The following CPA6 variants were observed in gnomAD, a reference collection of about 807,000 sequenced individuals.
The protein encoded by CPA6 is carboxypeptidase B.
In CPA6, 58 loss-of-function variants were observed where a neutral mutation model predicts 63.3. The observed-to-expected ratio is 0.92, with a 90% CI of 0.74 to 1.14. CPA6 has a LOEUF of 1.14. CPA6 is among the 50% of genes most tolerant of loss of function. The pLI, the probability that CPA6 is intolerant of heterozygous loss-of-function variation, is 0.00. For missense variants in CPA6, 565 were observed against 526.6 expected, an observed-to-expected ratio of 1.07 and a Z score of -0.71; for synonymous variants, 185 against 179.0, an observed-to-expected ratio of 1.03 and a Z score of -0.27.
intron 8 of CPA6, among the ~76,000 whole-genome samples, chr8:67,461,344 T>C (rs13251401): frequency 2.0e-5 from 3 of 146,942 alleles, no homozygotes; most frequent in East Asian, 2.0e-4. Flanking sequence ...CCTGAGTGGA[T>C]ACAGCACACG....
chr8:67,631,910 G>A (rs1563369377), intron 1 of CPA6, among the ~76,000 whole-genome samples: 1 of 152,038 alleles, frequency 6.6e-6, no homozygotes, highest in East Asian at 1.9e-4. Flanking sequence ...GCGAGACCAC[G>A]AACCCACCAG....
chr8:67,430,337 G>A (rs1361525909), intron 9 of CPA6, among the ~76,000 whole-genome samples: 5 of 151,696 alleles, frequency 3.3e-5, no homozygotes, highest in African/African-American at 4.8e-5. Context: ...CCGCGACCAC[G>A]CCTGGCTAAT....
At chr8:67,509,725 T>G (rs1472290297) in intron 4 of CPA6, 107 bp from the exon 5 acceptor site, 2 of 543,472 alleles carry the variant, frequency 3.7e-6, no homozygotes, top group Non-Finnish European at 6.6e-6. Flanking sequence ...ATTCAAGGAG[T>G]GCACATGGAA....
intron 8 of CPA6, among the ~76,000 whole-genome samples, chr8:67,470,918 A>T (rs900786635): frequency 1.3e-5 from 2 of 152,200 alleles, no homozygotes; most frequent in African/African-American, 4.8e-5. Context: ...TCTGCCCTTG[A>T]TGATCCATTT....
At chr8:67,532,339 A>T (rs1178153964) in intron 2 of CPA6, among the ~76,000 whole-genome samples, 2 of 151,398 alleles carry the variant, frequency 1.3e-5, no homozygotes, top group East Asian at 3.9e-4. Context: ...TTCATCAAAT[A>T]AAAAAAATAG....
At chr8:67,550,076 T>C (rs1379206161) in intron 2 of CPA6, among the ~76,000 whole-genome samples, 1 of 152,184 alleles carries the variant, frequency 6.6e-6, no homozygotes, top group Non-Finnish European at 1.5e-5. Flanking sequence ...TGGAGCTACA[T>C]GTGCAGATTT....
intron 1 of CPA6, among the ~76,000 whole-genome samples, chr8:67,730,143 A>G (rs528702948): frequency 1.3e-5 from 2 of 152,314 alleles, no homozygotes; most frequent in South Asian, 4.1e-4. Context: ...GTCCCACACA[A>G]CTACCTCCTA....
intron 2 of CPA6, among the ~76,000 whole-genome samples, chr8:67,533,625 C>G (rs1432475184): frequency 6.6e-6 from 1 of 152,184 alleles, no homozygotes; most frequent in Non-Finnish European, 1.5e-5. Flanking sequence ...ATTGCACAAG[C>G]ATTAGTGAGC....
At chr8:67,591,649 T>C (rs962007210) in intron 2 of CPA6, among the ~76,000 whole-genome samples, 5 of 152,348 alleles carry the variant, frequency 3.3e-5, no homozygotes, top group Non-Finnish European at 7.4e-5. Context: ...TTTGAAGCAA[T>C]TGTGAATGGG....
At chr8:67,538,001 G>A (rs1317106309) in intron 2 of CPA6, among the ~76,000 whole-genome samples, 1 of 152,188 alleles carries the variant, frequency 6.6e-6, no homozygotes, top group African/African-American at 2.4e-5. Flanking sequence ...AGTTTTGAGT[G>A]AGTTTCTTAA....
intron 2 of CPA6, among the ~76,000 whole-genome samples, chr8:67,558,584 A>G (rs1164915280): frequency 6.6e-6 from 1 of 152,254 alleles, no homozygotes; most frequent in Non-Finnish European, 1.5e-5. Context: ...AAGCCTACTC[A>G]GAACAAGTGG....
intron 1 of CPA6, among the ~76,000 whole-genome samples, chr8:67,725,956 G>T (rs1204118459): frequency 7.2e-5 from 11 of 152,050 alleles, no homozygotes; most frequent in Admixed American, 7.2e-4. Context: ...TTTTTTTCTG[G>T]ATGACAATGG....
intron 1 of CPA6, among the ~76,000 whole-genome samples, chr8:67,660,358 C>A (rs1161158024): frequency 9.6e-6 from 1 of 104,630 alleles, no homozygotes; most frequent in Non-Finnish European, 1.7e-5. Context: ...GAGACAGAGT[C>A]TCACTCTGTC....
At chr8:67,696,560 G>A (rs1023024935) in intron 1 of CPA6, among the ~76,000 whole-genome samples, 5 of 151,688 alleles carry the variant, frequency 3.3e-5, no homozygotes, top group African/African-American at 9.7e-5. Flanking sequence ...CCACAGAAGT[G>A]TGCATAATAT....
intron 1 of CPA6, among the ~76,000 whole-genome samples, chr8:67,662,304 G>T (rs1200072038): frequency 6.6e-6 from 1 of 152,088 alleles, no homozygotes; most frequent in Non-Finnish European, 1.5e-5. Context: ...TCCCAATTCT[G>T]TCTCCATCTT....
intron 6 of CPA6, among the ~76,000 whole-genome samples, chr8:67,499,823 T>C (rs575096170): frequency 6.6e-6 from 1 of 152,374 alleles, no homozygotes; most frequent in East Asian, 1.9e-4. Flanking sequence ...CATTTATCAA[T>C]AATCTGTTCC....
intron 2 of CPA6, among the ~76,000 whole-genome samples, chr8:67,577,588 C>T (rs1404033520): frequency 1.3e-5 from 2 of 152,054 alleles, no homozygotes; most frequent in Admixed American, 6.5e-5. Context: ...AAGAAATATT[C>T]AGGATCCAAA....
chr8:67,478,336 T>C (rs1265635316), intron 8 of CPA6, among the ~76,000 whole-genome samples: 1 of 152,206 alleles, frequency 6.6e-6, no homozygotes, highest in Admixed American at 6.5e-5. Context: ...GTATCCTTTA[T>C]AATAAACTGA....
chr8:67,639,342 C>T (rs1221536868), intron 1 of CPA6, among the ~76,000 whole-genome samples: 1 of 151,578 alleles, frequency 6.6e-6, no homozygotes, highest in Non-Finnish European at 1.5e-5. Context: ...GTGCTCGGCT[C>T]CCGCTACTGG....
Sources: allele counts gnomAD v4.1 joint callset (sites outside exome capture counted in the v4.1 genomes callset), GRCh38; gene constraint gnomAD v4.1.1; transcripts MANE v1.5; gene names NCBI Gene and HGNC (gene_info 2026-07-23, HGNC 2026-07-21).